Variants in PPM1L observed in about 807,000 individuals in gnomAD.
PPM1L encodes the protein protein phosphatase, Mg2+/Mn2+ dependent 1L.
PPM1L carries 13 observed loss-of-function variants against 31.4 expected under a neutral mutation model. The ratio of observed to expected loss-of-function variants is 0.41; its 90% CI spans 0.27 to 0.66. The LOEUF is 0.66. PPM1L is among the 30% of genes least tolerant of loss of function. The pLI is 0.29. For missense variants in PPM1L, 326 were observed against 453.7 expected (o/e 0.72, Z 2.56); for synonymous variants, 184 against 175.4 (o/e 1.05, Z -0.39).
At chr3:161,047,321 G>T (rs1176618111) in intron 2 of PPM1L, among the ~76,000 whole-genome samples, 2 of 152,084 alleles carry the variant, frequency 1.3e-5, no homozygotes, top group African/African-American at 4.8e-5. Flanking sequence ...AATCATGAGA[G>T]AACTCCCATT....
intron 1 of PPM1L, among the ~76,000 whole-genome samples, chr3:160,795,432 C>T (rs1196244758): frequency 6.6e-6 from 1 of 152,160 alleles, no homozygotes; most frequent in Non-Finnish European, 1.5e-5. Flanking sequence ...ACAAAACTGA[C>T]TGCAGACATT....
At chr3:161,037,909 C>T (rs1718792370) in intron 2 of PPM1L, among the ~76,000 whole-genome samples, 2 of 152,080 alleles carry the variant, frequency 1.3e-5, no homozygotes, top group South Asian at 4.1e-4. Context: ...TTCATTTCTT[C>T]AGCAAGACTG....
At chr3:160,872,356 C>T (rs913575679) in intron 1 of PPM1L, among the ~76,000 whole-genome samples, 3 of 151,946 alleles carry the variant, frequency 2.0e-5, no homozygotes, top group Admixed American at 2.0e-4. Flanking sequence ...CTTTTTTCTC[C>T]CTCTTTCATC....
intron 1 of PPM1L, among the ~76,000 whole-genome samples, chr3:160,881,616 C>CT (rs930894094): frequency 8.5e-5 from 13 of 152,294 alleles, no homozygotes; most frequent in African/African-American, 3.1e-4. Context: ...TTTCCGTCTG[C>CT]TTTTGACTAT....
At chr3:161,024,289 TG>T (rs1254324204) in intron 2 of PPM1L, among the ~76,000 whole-genome samples, 2 of 152,008 alleles carry the variant, frequency 1.3e-5, no homozygotes, top group African/African-American at 4.8e-5. Context: ...AAAAGATTTT[TG>T]GATAGTCTTT....
At chr3:160,958,101 G>C (rs1715839650) in intron 1 of PPM1L, among the ~76,000 whole-genome samples, 1 of 152,154 alleles carries the variant, frequency 6.6e-6, no homozygotes, top group African/African-American at 2.4e-5. Context: ...CTCCAGTTCT[G>C]TAGGTTGTCT....
chr3:160,849,419 C>CTTTCTTTCTTTCTTTCTTTCTTTCTTTCT (rs1553812477), intron 1 of PPM1L, among the ~76,000 whole-genome samples: 7 of 143,436 alleles, frequency 4.9e-5, no homozygotes, highest in African/African-American at 1.8e-4. Flanking sequence ...TTCTTTCTTT[C>CTTTCTTTCTTTCTTTCTTTCTTTCTTTCT]TTTTTTTTTT....
chr3:161,021,373 C>T (rs551311956), intron 2 of PPM1L, among the ~76,000 whole-genome samples: 4 of 151,990 alleles, frequency 2.6e-5, no homozygotes, highest in African/African-American at 7.2e-5. Flanking sequence ...TAATTTCATT[C>T]GTTTGTGGTC....
rs1576632226 is a variant in PPM1L at position 161,078,101 on chromosome 3, C to T, written c.*8944C>T. 6.6e-6 allele frequency: 1 copy of T among 151,902 alleles called. No homozygotes were observed. Among genetic ancestry groups the T allele is most frequent in the African/African-American group, 2.4e-5 (1 of 41,412 alleles). 9.4% of individuals were successfully genotyped at this position (151,902 alleles called of 1,614,324 possible). A position where few individuals can be genotyped will look rare whatever the true frequency, so the allele number is the denominator to read the frequency against. On this transcript the variant is annotated 3_prime_UTR_variant, in exon 4 of 4. Coordinates refer to ENST00000498165, the MANE Select transcript of PPM1L (RefSeq NM_139245.4). ...TTTGTTTTGTTTTTAATCATGAGCA[C>T]ATATAAAAGGAAATTCAAATGAAAC...
intron 2 of PPM1L, among the ~76,000 whole-genome samples, chr3:160,970,032 A>G (rs1716271467): frequency 6.6e-6 from 1 of 152,168 alleles, no homozygotes; most frequent in South Asian, 2.1e-4. Flanking sequence ...TTTTTATTTA[A>G]CATTTTTAAT....
At chr3:161,065,371 C>G (rs756596608) in intron 2 of PPM1L, 32 bp from the exon 3 acceptor site, 11 of 1,605,862 alleles carry the variant, frequency 6.8e-6, no homozygotes, top group Non-Finnish European at 9.4e-6. Flanking sequence ...CACTGCTGAC[C>G]TCCCGCGTTC....
rs1720064419 is a variant in PPM1L, at chr3:161,075,319, T to C, written c.*6162T>C. On this transcript the variant is annotated 3_prime_UTR_variant, in exon 4 of 4. Transcript: ENST00000498165. ...ACCCAGACATTAAAAATGTAAAAAGTAGCTTATAAGAAATGTGGATTATCA... is the reference window on the plus strand; with the variant it reads ...ACCCAGACATTAAAAATGTAAAAAGCAGCTTATAAGAAATGTGGATTATCA... The C allele has an allele frequency of 6.6e-6, 1 of 152,232 alleles. No homozygotes were observed. Among genetic ancestry groups the C allele is most frequent in the Non-Finnish European group, 1.5e-5 (1 of 68,042 alleles). 9.4% of individuals were successfully genotyped at this position (152,232 alleles called of 1,614,324 possible).
chr3:160,801,128 TACACACACAC>T lies in PPM1L; in HGVS notation c.399+44450_399+44459del, dbSNP rs10575984. Among the ~76,000 whole-genome samples the T allele has an allele frequency of 7.9e-3, 1,150 of 145,682 alleles. 18 individuals carry two copies. The highest frequency in any genetic ancestry group is 0.058 in the East Asian group (286 of 4,946). The stretch of plus-strand genomic sequence containing the variant: ...GTAAGGTTTACTAAATGTTTAGTGA[TACACACACAC>T]ACACACACACACACACACACACACA... On this transcript the variant is annotated intron_variant, in intron 1 of 3. Transcript: ENST00000498165.
intron 1 of PPM1L, among the ~76,000 whole-genome samples, chr3:160,768,039 A>G (rs547281836): frequency 1.2e-4 from 19 of 152,326 alleles, no homozygotes; most frequent in African/African-American, 3.8e-4. Context: ...TTTTTGCTCC[A>G]TAGATAATGA....
At chr3:160,975,495 T>C (rs1326504040) in intron 2 of PPM1L, among the ~76,000 whole-genome samples, 3 of 152,324 alleles carry the variant, frequency 2.0e-5, no homozygotes, top group South Asian at 2.1e-4. Flanking sequence ...TTGAGTCTTC[T>C]GACCCATGAG....
intron 1 of PPM1L, among the ~76,000 whole-genome samples, chr3:160,889,463 C>T (rs1177613705): frequency 6.6e-6 from 1 of 152,092 alleles, no homozygotes; most frequent in Non-Finnish European, 1.5e-5. Context: ...GAAGTTGAAT[C>T]CTTGGATGAG....
chr3:160,762,784 C>CA (rs1715002494), intron 1 of PPM1L, among the ~76,000 whole-genome samples: 1 of 152,082 alleles, frequency 6.6e-6, no homozygotes. Flanking sequence ...AAAATGCAGG[C>CA]ACCGTTGGAA....
intron 3 of PPM1L, among the ~76,000 whole-genome samples, chr3:161,066,464 G>A (rs1719743473): frequency 6.6e-6 from 1 of 152,222 alleles, no homozygotes; most frequent in Admixed American, 6.5e-5. Context: ...GCAGGTAAGG[G>A]GAGTGTCAGG....
chr3:160,962,792 A>G (rs1716009535), intron 2 of PPM1L, among the ~76,000 whole-genome samples: 1 of 152,018 alleles, frequency 6.6e-6, no homozygotes, highest in African/African-American at 2.4e-5. Context: ...AATAGCAAAC[A>G]GAAGAGCAAA....
Sources: gnomAD v4.1 joint callset for allele counts (sites outside exome capture counted in the v4.1 genomes callset) on GRCh38, gnomAD v4.1.1 for gene constraint, MANE v1.5 for transcripts, NCBI Gene and HGNC (gene_info 2026-07-23, HGNC 2026-07-21) for gene names.